FAM20C: variants seen among roughly 807,000 people sequenced by gnomAD.
FAM20C encodes FAM20C golgi associated secretory pathway kinase.
A neutral mutation model predicts 51.5 loss-of-function variants in FAM20C; 40 were observed. That is an observed-to-expected ratio of 0.78 (90% CI 0.60 to 1.01). FAM20C has a LOEUF of 1.01. Ranked by LOEUF, FAM20C falls within the 50% of genes least tolerant of loss-of-function variation. The pLI is 0.00. For missense variants in FAM20C, 861 were observed against 844.7 expected (o/e 1.02, Z -0.24); for synonymous variants, 406 against 380.6 (o/e 1.07, Z -0.78).
At chr7:201,043 T>C (rs1786105601) in intron 2 of FAM20C, among the ~76,000 whole-genome samples, 2 of 152,348 alleles carry the variant, frequency 1.3e-5, no homozygotes, top group East Asian at 3.9e-4. Context: ...CAGACCTCTC[T>C]GGCTTGGAGA....
chr7:218,037 G>T (rs1308776867), intron 3 of FAM20C, among the ~76,000 whole-genome samples: 1 of 152,162 alleles, frequency 6.6e-6, no homozygotes, highest in Non-Finnish European at 1.5e-5. Flanking sequence ...GACGTGTGAG[G>T]CCAGGAGTGG....
chr7:242,896 G>A (rs569950120), intron 3 of FAM20C, among the ~76,000 whole-genome samples: 132 of 152,148 alleles, frequency 8.7e-4, no homozygotes, highest in Non-Finnish European at 1.7e-3. Context: ...GTGTCCAGGG[G>A]ACCTGGCCAG....
rs1788676931 is a variant in FAM20C, at chr7:257,972, GAGATAGGCAGT to G, written c.1446-673_1446-663del. Among the ~76,000 whole-genome samples the G allele has an allele frequency of 2.6e-5, 3 of 116,948 alleles. 1 individual carries two copies. Among genetic ancestry groups the G allele is most frequent in the African/African-American group, 1.1e-4 (3 of 28,444 alleles). The allele number at this position is 116,948 out of a possible 152,430, so 76.7% of individuals were successfully genotyped here. A position where few individuals can be genotyped will look rare whatever the true frequency, so the allele number is the denominator to read the frequency against. On this transcript the variant is annotated intron_variant, in intron 8 of 9. Transcript: ENST00000313766. ...GGTGGACCCACTGCCTGAGGTGCTG[GAGATAGGCAGT>G]GTGGACCCACTGCCTGGGGTGCTGG...
At chr7:211,127 C>T in intron 3 of FAM20C, among the ~76,000 whole-genome samples, 1 of 135,144 alleles carries the variant, frequency 7.4e-6, no homozygotes, top group Non-Finnish European at 1.7e-5. Flanking sequence ...TTCTCCCTTC[C>T]TCCTCCCCCG....
chr7:253,464 G>T (rs1788475569), intron 5 of FAM20C, among the ~76,000 whole-genome samples: 2 of 152,282 alleles, frequency 1.3e-5, no homozygotes, highest in Admixed American at 1.3e-4. Context: ...TCCTGGGTTT[G>T]TCCGCTACCC....
At chr7:257,983 T>G (rs138508053) in intron 8 of FAM20C, among the ~76,000 whole-genome samples, 616 of 12,926 alleles carry the variant, frequency 0.048, 51 homozygotes, top group African/African-American at 0.053. Flanking sequence ...AGATAGGCAG[T>G]GTGGACCCAC....
At chr7:229,031 A>AC (rs1203424273) in intron 3 of FAM20C, 6 of 229,548 alleles carry the variant, frequency 2.6e-5, no homozygotes, top group African/African-American at 1.6e-4. Context: ...CACGCACCCC[A>AC]CCCCCCCACC....
intron 2 of FAM20C, among the ~76,000 whole-genome samples, chr7:198,896 C>T (rs1477545408): frequency 6.6e-6 from 1 of 152,186 alleles, no homozygotes; most frequent in Non-Finnish European, 1.5e-5. Context: ...GGGTCTCAGT[C>T]TAGATGCTGG....
intron 3 of FAM20C, 147 bp downstream of exon 3, chr7:209,123 C>G: frequency 1.3e-6 from 1 of 772,312 alleles, no homozygotes; most frequent in African/African-American, 1.7e-5. Flanking sequence ...CCCGTCATGG[C>G]AAACGAGCAA....
chr7:248,181 G>C (rs1167087850), intron 4 of FAM20C, 134 bp from the exon 5 acceptor site: 2 of 620,096 alleles, frequency 3.2e-6, no homozygotes, highest in East Asian at 5.6e-5. Flanking sequence ...TTTATTCGGA[G>C]GCAGGGACAC....
At chr7:236,881 G>A (rs1209274961) in intron 3 of FAM20C, among the ~76,000 whole-genome samples, 1 of 152,206 alleles carries the variant, frequency 6.6e-6, no homozygotes, top group Non-Finnish European at 1.5e-5. Flanking sequence ...GGTGGCTGTC[G>A]GGCTCATCTG....
Position 240,541 on chromosome 7 carries a change from T to C in FAM20C, c.864-5874T>C, listed in dbSNP as rs1042546805. Among the ~76,000 whole-genome samples the C allele has an allele frequency of 2.0e-5, 3 of 151,812 alleles. No homozygotes were observed. The South Asian group carries it at 6.3e-4, about 32-fold the overall frequency. On this transcript the variant is annotated intron_variant, in intron 3 of 9. Transcript: ENST00000313766. ...GTGGAGGTGATGGTGGTGATGGTGA[T>C]GGTGGTAGAGGTGACATTGATAGAA... is the stretch of plus-strand genomic sequence containing the variant.
chr7:231,897 G>A (rs1018103764), intron 3 of FAM20C, among the ~76,000 whole-genome samples: 5 of 152,132 alleles, frequency 3.3e-5, no homozygotes, highest in African/African-American at 1.2e-4. Context: ...GCCTGGGGCG[G>A]TCCTCTGTGC....
intron 3 of FAM20C, among the ~76,000 whole-genome samples, chr7:241,290 AG>A (rs1787939987): frequency 6.6e-6 from 1 of 152,210 alleles, no homozygotes; most frequent in East Asian, 1.9e-4. Flanking sequence ...GCCCGGGAGC[AG>A]AACACAGGGT....
At chr7:249,350 G>T (rs1001706996) in intron 5 of FAM20C, among the ~76,000 whole-genome samples, 1 of 152,278 alleles carries the variant, frequency 6.6e-6, no homozygotes, top group Non-Finnish European at 1.5e-5. Context: ...CTTTGTTGGT[G>T]CTGAGGTTTA....
rs1396848726 is a variant in FAM20C at position 248,353 on chromosome 7, G to A, written c.995G>A (p.Arg332Lys). The stretch of plus-strand genomic sequence containing the variant: ...CGCCGGGTCCCTCCCGTGGCCGGCA[G>A]GATGGTCAACATGACCAAGGAGATC... ...DFRRVPPVAG[R>K]MVNMTKEIRD... The change falls in exon 5 of 10, where the codon AGG becomes AAG. Residue 332 changes from arginine to lysine, a missense_variant. Physicochemically the swap from Arg to Lys is conservative, Grantham distance 26. Coordinates refer to ENST00000313766, the MANE Select transcript of FAM20C (RefSeq NM_020223.4). 3.3e-6 allele frequency: 5 copies of A among 1,537,170 alleles called. No individual in the cohort carries two copies. The highest frequency in any genetic ancestry group is 4.4e-6 in the Non-Finnish European group (5 of 1,146,886).
At chr7:235,447 C>T (rs1583321711) in intron 3 of FAM20C, among the ~76,000 whole-genome samples, 2 of 152,326 alleles carry the variant, frequency 1.3e-5, no homozygotes, top group East Asian at 1.9e-4. Flanking sequence ...AGGACAAATG[C>T]ACCTCCCCCA....
intron 3 of FAM20C, among the ~76,000 whole-genome samples, chr7:216,622 A>T (rs1246797869): frequency 1.9e-5 from 1 of 51,312 alleles, no homozygotes; most frequent in African/African-American, 1.1e-4. Flanking sequence ...TGTGTGTATG[A>T]GTGTGTGTGA....
chr7:256,181 CT>C, intron 6 of FAM20C, 152 bp downstream of exon 6: 1 of 1,004,354 alleles, frequency 1.0e-6, no homozygotes, highest in Non-Finnish European at 1.4e-6. Flanking sequence ...TGACCGCTTC[CT>C]GATGAGACGG....
Sources: allele counts gnomAD v4.1 joint callset (sites outside exome capture counted in the v4.1 genomes callset), GRCh38; gene constraint gnomAD v4.1.1; transcripts MANE v1.5; gene names NCBI Gene and HGNC (gene_info 2026-07-23, HGNC 2026-07-21).